THSD4: variants seen among roughly 807,000 people sequenced by gnomAD.
The protein encoded by THSD4 is thrombospondin type-1 domain-containing protein 4.
THSD4 carries 69 observed loss-of-function variants against 119.0 expected under a neutral mutation model. That is an observed-to-expected ratio of 0.58 (90% CI 0.48 to 0.71). The LOEUF is 0.71. Ranked by LOEUF, THSD4 falls within the 30% of genes least tolerant of loss-of-function variation. The pLI is 0.00. For missense variants in THSD4, 1,393 were observed against 1,391.1 expected (o/e 1.00, Z -0.02); for synonymous variants, 524 against 540.4 (o/e 0.97, Z 0.42).
At chr15:71,338,376 G>A (rs769811616) in intron 6 of THSD4, among the ~76,000 whole-genome samples, 7 of 151,624 alleles carry the variant, frequency 4.6e-5, no homozygotes, top group Admixed American at 1.3e-4. Context: ...TCTTTGGACC[G>A]GAGTCTGAAC....
chr15:71,653,385 A>G (rs1464542482), intron 7 of THSD4, among the ~76,000 whole-genome samples: 1 of 152,178 alleles, frequency 6.6e-6, no homozygotes, highest in Non-Finnish European at 1.5e-5. Flanking sequence ...GTGTCCCATG[A>G]GCTTTGGAAT....
intron 6 of THSD4, among the ~76,000 whole-genome samples, chr15:71,372,186 T>C (rs934406298): frequency 6.6e-6 from 1 of 152,208 alleles, no homozygotes; most frequent in Admixed American, 6.5e-5. Flanking sequence ...TTGTCTAATC[T>C]TTTTTCAAGG....
intron 7 of THSD4, among the ~76,000 whole-genome samples, chr15:71,530,957 C>T (rs1277461527): frequency 9.5e-6 from 1 of 104,814 alleles, no homozygotes; most frequent in Non-Finnish European, 1.9e-5. Context: ...GGGGCATTGA[C>T]GGGGATAGGG....
At chr15:71,328,102 A>T (rs1220697402) in intron 6 of THSD4, among the ~76,000 whole-genome samples, 3 of 152,196 alleles carry the variant, frequency 2.0e-5, no homozygotes, top group Non-Finnish European at 2.9e-5. Context: ...TCACTGCTGC[A>T]TTCTGCTGGG....
intron 7 of THSD4, among the ~76,000 whole-genome samples, chr15:71,461,565 A>T (rs963399021): frequency 1.4e-4 from 21 of 152,278 alleles, no homozygotes; most frequent in African/African-American, 4.3e-4. Flanking sequence ...AAGCAAATAG[A>T]TCCTGTTGGG....
At chr15:71,279,083 G>A (rs748925511) in intron 6 of THSD4, among the ~76,000 whole-genome samples, 4 of 152,152 alleles carry the variant, frequency 2.6e-5, no homozygotes, top group Non-Finnish European at 4.4e-5. Flanking sequence ...GAGTACATCA[G>A]TAACTATTAT....
intron 6 of THSD4, among the ~76,000 whole-genome samples, chr15:71,403,389 T>C (rs974702977): frequency 6.6e-6 from 1 of 152,220 alleles, no homozygotes; most frequent in African/African-American, 2.4e-5. Flanking sequence ...ACTCAATTAT[T>C]GTTCAGCCAT....
At chr15:71,285,121 T>G (rs986072223) in intron 6 of THSD4, among the ~76,000 whole-genome samples, 15 of 152,170 alleles carry the variant, frequency 9.9e-5, no homozygotes, top group Non-Finnish European at 1.5e-5. Context: ...TAAGTACCAT[T>G]CTTACTATGA....
chr15:71,348,865 C>T (rs1284740945), intron 6 of THSD4, among the ~76,000 whole-genome samples: 3 of 152,320 alleles, frequency 2.0e-5, no homozygotes, highest in Middle Eastern at 3.4e-3. Context: ...TGCCAAGCCT[C>T]CAGAGGAACC....
rs570955645 is a variant in THSD4 at position 71,242,745 on chromosome 15, G to C, written c.561G>C (p.Gln187His). The C allele has an allele frequency of 2.5e-4, 408 of 1,614,166 alleles. 4 individuals carry two copies. In the South Asian group the frequency reaches 4.3e-3, roughly 17 times the overall value. The part of the protein sequence containing the change: ...PLQTDTAHTP[Q>H]RLRRQKLSSR... ...AGACAGACACTGCACACACGCCACA[G>C]AGGCTCCGGAGACAGAAGCTCTCAT... Residue 187 changes from glutamine to histidine, a missense_variant, in exon 5 of 18, where the codon CAG becomes CAC. Transcript: ENST00000261862.
intron 6 of THSD4, among the ~76,000 whole-genome samples, chr15:71,263,593 A>G (rs2044429100): frequency 6.6e-6 from 1 of 152,144 alleles, no homozygotes; most frequent in African/African-American, 2.4e-5. Flanking sequence ...TGGGTGAACT[A>G]ATTTACACTC....
At chr15:71,452,739 C>T (rs937983235) in intron 7 of THSD4, among the ~76,000 whole-genome samples, 1 of 152,130 alleles carries the variant, frequency 6.6e-6, no homozygotes, top group Non-Finnish European at 1.5e-5. Context: ...CCTCAGCCTC[C>T]CACGTAGCTG....
chr15:71,471,814 GAC>G (rs1371217119), intron 7 of THSD4, among the ~76,000 whole-genome samples: 7 of 152,144 alleles, frequency 4.6e-5, no homozygotes, highest in Non-Finnish European at 8.8e-5. Flanking sequence ...GGCTATGAGA[GAC>G]AGGCTGTGTA....
At chr15:71,238,992 A>G (rs2044129924) in intron 4 of THSD4, among the ~76,000 whole-genome samples, 1 of 152,204 alleles carries the variant, frequency 6.6e-6, no homozygotes, top group Non-Finnish European at 1.5e-5. Flanking sequence ...AGTGAACATG[A>G]AATGGTCATG....
chr15:71,469,606 A>G (rs1464594029), intron 7 of THSD4, among the ~76,000 whole-genome samples: 12 of 152,178 alleles, frequency 7.9e-5, no homozygotes, highest in East Asian at 3.9e-4. Context: ...CAGCACCCAC[A>G]TGAATACATT....
intron 7 of THSD4, among the ~76,000 whole-genome samples, chr15:71,436,500 A>G (rs1473783151): frequency 1.3e-5 from 2 of 152,190 alleles, no homozygotes; most frequent in African/African-American, 4.8e-5. Context: ...AGAGTGACTG[A>G]TAAGAATTTC....
At chr15:71,467,873 G>C (rs891089205) in intron 7 of THSD4, among the ~76,000 whole-genome samples, 4 of 148,476 alleles carry the variant, frequency 2.7e-5, no homozygotes, top group African/African-American at 5.0e-5. Flanking sequence ...TTTTGAGACG[G>C]AGTTTTGCTC....
chr15:71,195,556 C>G (rs890511228), intron 3 of THSD4, among the ~76,000 whole-genome samples: 1 of 152,098 alleles, frequency 6.6e-6, no homozygotes, highest in African/African-American at 2.4e-5. Context: ...AGGGGAGGGC[C>G]AATAACAAGT....
intron 6 of THSD4, among the ~76,000 whole-genome samples, chr15:71,324,111 G>T (rs1017151464): frequency 6.6e-6 from 1 of 151,746 alleles, no homozygotes; most frequent in Non-Finnish European, 1.5e-5. Flanking sequence ...TGTTAATACC[G>T]CAGGTATACT....
Sources: allele counts gnomAD v4.1 joint callset (sites outside exome capture counted in the v4.1 genomes callset), GRCh38; gene constraint gnomAD v4.1.1; transcripts MANE v1.5; gene names NCBI Gene and HGNC (gene_info 2026-07-23, HGNC 2026-07-21).